The following UBR3 variants were observed in gnomAD, a reference collection of about 807,000 sequenced individuals.
The protein encoded by UBR3 is ubiquitin protein ligase E3 component n-recognin 3.
UBR3 carries 85 observed loss-of-function variants against 243.2 expected under a neutral mutation model. The ratio of observed to expected loss-of-function variants is 0.35; its 90% confidence interval spans 0.29 to 0.42. UBR3 has a LOEUF of 0.42. Ranked by LOEUF, UBR3 falls within the 10% of genes least tolerant of loss-of-function variation. UBR3 has a pLI of 1.00. For synonymous variants in UBR3, 748 were observed against 799.8 expected (o/e 0.94, Z 1.09); for missense variants, 1,686 against 2,300.8 (o/e 0.73, Z 5.47).
At chr2:170,044,186 CTA>C (rs1428377094) in intron 32 of UBR3, among the ~76,000 whole-genome samples, 2 of 152,016 alleles carry the variant, frequency 1.3e-5, no homozygotes, top group Non-Finnish European at 2.9e-5. Context: ...TTATTATAAA[CTA>C]TTTTTATTGT....
At chr2:170,027,989 A>G (rs1348946859) in intron 30 of UBR3, among the ~76,000 whole-genome samples, 2 of 151,910 alleles carry the variant, frequency 1.3e-5, no homozygotes, top group Non-Finnish European at 2.9e-5. Flanking sequence ...TGAGATTATC[A>G]ATCAATGTAA....
At chr2:169,953,213 A>G (rs1386748799) in intron 23 of UBR3, among the ~76,000 whole-genome samples, 1 of 152,182 alleles carries the variant, frequency 6.6e-6, no homozygotes, top group Non-Finnish European at 1.5e-5. Context: ...CAATGATGGT[A>G]TTGACAAGGA....
chr2:169,881,712 G>A (rs1238990834), intron 5 of UBR3, among the ~76,000 whole-genome samples: 2 of 126,926 alleles, frequency 1.6e-5, no homozygotes, highest in East Asian at 2.2e-4. Context: ...AATTATATAT[G>A]TATATGTATA....
intron 10 of UBR3, among the ~76,000 whole-genome samples, chr2:169,909,888 A>G (rs2085184024): frequency 6.6e-6 from 1 of 152,272 alleles, no homozygotes; most frequent in African/African-American, 2.4e-5. Context: ...TATTCAAAGT[A>G]TATTTTGGAT....
At chr2:170,001,866 T>G (rs1305710102) in intron 27 of UBR3, among the ~76,000 whole-genome samples, 1 of 124,814 alleles carries the variant, frequency 8.0e-6, no homozygotes, top group East Asian at 2.5e-4. Flanking sequence ...TGAGCTGAGG[T>G]TGCACCACTG....
intron 5 of UBR3, among the ~76,000 whole-genome samples, chr2:169,883,957 C>G (rs968979425): frequency 1.3e-5 from 2 of 151,802 alleles, no homozygotes; most frequent in East Asian, 1.9e-4. Context: ...CTCAGCCTCC[C>G]GACTAGCTGT....
chr2:169,974,326 A>G (rs1323115594), intron 24 of UBR3, among the ~76,000 whole-genome samples: 3 of 152,122 alleles, frequency 2.0e-5, no homozygotes, highest in Non-Finnish European at 4.4e-5. Context: ...ACTTTTTATT[A>G]CTGATTCAAT....
intron 19 of UBR3, among the ~76,000 whole-genome samples, chr2:169,941,002 C>A (rs1014958123): frequency 2.6e-5 from 4 of 152,168 alleles, no homozygotes; most frequent in African/African-American, 9.7e-5. Flanking sequence ...TAGTTATTGA[C>A]ATTGTCTGCT....
intron 30 of UBR3, 109 bp from the exon 31 acceptor site, chr2:170,029,236 TG>T (rs2090607865): frequency 2.5e-6 from 2 of 812,184 alleles, no homozygotes; most frequent in African/African-American, 3.5e-5. Flanking sequence ...GAATTTTAAT[TG>T]TCAGGATGGG....
chr2:170,010,328 A>G (rs925667108), intron 29 of UBR3, among the ~76,000 whole-genome samples: 1 of 152,124 alleles, frequency 6.6e-6, no homozygotes, highest in Admixed American at 6.5e-5. Context: ...ATATGGATCA[A>G]CTCAGTTCTG....
chr2:169,922,157 G>A (rs1257736000), intron 11 of UBR3, among the ~76,000 whole-genome samples: 3 of 151,612 alleles, frequency 2.0e-5, no homozygotes, highest in African/African-American at 7.3e-5. Context: ...ATGGTGGTGT[G>A]TGTCTGTAGT....
intron 19 of UBR3, among the ~76,000 whole-genome samples, chr2:169,941,738 C>T (rs2105356364): frequency 1.3e-5 from 2 of 152,302 alleles, no homozygotes; most frequent in South Asian, 4.1e-4. Context: ...TCCATATTTT[C>T]AGGCATCTAC....
chr2:169,890,591 ATG>A (rs1491405043), intron 5 of UBR3, among the ~76,000 whole-genome samples: 1 of 102,126 alleles, frequency 9.8e-6, no homozygotes, highest in Non-Finnish European at 2.0e-5. Context: ...GTATATATAT[ATG>A]TATATATATG....
At chr2:169,952,538 C>T (rs12464860) in intron 23 of UBR3, among the ~76,000 whole-genome samples, 111,794 of 151,816 alleles carry the variant, frequency 0.74, 42,579 homozygotes, top group East Asian at 0.88. Flanking sequence ...CTACTAAAAA[C>T]ATAAAAATTA....
intron 1 of UBR3, among the ~76,000 whole-genome samples, chr2:169,860,722 G>T (rs73024461): frequency 0.043 from 6,570 of 152,206 alleles, 162 homozygotes; most frequent in Middle Eastern, 0.068. Flanking sequence ...ATTAGTCAGG[G>T]TTCTCTAGAG....
rs1276923917 is a variant in UBR3, at chr2:169,932,464, T to G, written c.2567-448T>G. Among the ~76,000 whole-genome samples, 4 of 152,274 alleles carry G rather than the reference T, an allele frequency of 2.6e-5. No homozygotes were observed. The East Asian group carries it at 5.8e-4, about 22-fold the overall frequency. ...TTTTTTTGGGAAATGAGGTCTGTCTTTGTTGCCTGGGCTGGTCTCAAACTC... is the reference window on the plus strand; with the variant it reads ...TTTTTTTGGGAAATGAGGTCTGTCTGTGTTGCCTGGGCTGGTCTCAAACTC... On this transcript the variant is annotated intron_variant, in intron 18 of 38. Coordinates refer to ENST00000272793, the MANE Select transcript of UBR3 (RefSeq NM_172070.4).
chr2:169,878,660 C>A, intron 5 of UBR3, 86 bp downstream of exon 5: 1 of 1,199,694 alleles, frequency 8.3e-7, no homozygotes, highest in South Asian at 1.5e-5. Context: ...CTTTATAGTT[C>A]TGAAACTGTA....
chr2:169,909,581 C>T (rs980022640), intron 10 of UBR3, among the ~76,000 whole-genome samples: 3 of 152,012 alleles, frequency 2.0e-5, no homozygotes, highest in African/African-American at 7.3e-5. Flanking sequence ...AAATCTATTG[C>T]ACAACATGGT....
intron 5 of UBR3, among the ~76,000 whole-genome samples, chr2:169,881,605 G>A (rs1415518295): frequency 1.4e-4 from 18 of 129,066 alleles, no homozygotes; most frequent in African/African-American, 3.8e-4. Context: ...GGTATCTACC[G>A]TATGTTTCTT....
Sources: allele counts gnomAD v4.1 joint callset (sites outside exome capture counted in the v4.1 genomes callset), GRCh38; gene constraint gnomAD v4.1.1; transcripts MANE v1.5; gene names NCBI Gene and HGNC (gene_info 2026-07-23, HGNC 2026-07-21).